Variants in RANBP10 observed in about 807,000 individuals in gnomAD.
RANBP10 encodes ran-binding protein 10.
RANBP10 carries 24 observed loss-of-function variants against 72.8 expected under a neutral mutation model. That is an observed-to-expected ratio of 0.33 (90% CI 0.24 to 0.46). The LOEUF (loss-of-function observed/expected upper bound fraction) is 0.46. Ranked by LOEUF, RANBP10 falls within the 20% of genes least tolerant of loss-of-function variation. The pLI, the probability that RANBP10 is intolerant of heterozygous loss-of-function variation, is 1.00. For synonymous variants in RANBP10, 310 were observed against 322.3 expected (o/e 0.96, Z 0.41); for missense variants, 679 against 817.5 (o/e 0.83, Z 2.07).
chr16:67,769,462 A>AAAAAAAAAAAAAAAAC (rs1567699175), intron 3 of RANBP10, among the ~76,000 whole-genome samples: 1 of 136,798 alleles, frequency 7.3e-6, no homozygotes, highest in African/African-American at 2.7e-5. Context: ...AAAAAAAAAA[A>AAAAAAAAAAAAAAAAC]GTGCTGGGCG....
intron 3 of RANBP10, among the ~76,000 whole-genome samples, chr16:67,767,253 G>A (rs1229587488): frequency 1.3e-5 from 2 of 151,832 alleles, no homozygotes; most frequent in Non-Finnish European, 2.9e-5. Flanking sequence ...CTCTCACCTC[G>A]TCTACTCCAC....
chr16:67,785,204 T>C (rs1042049638), intron 2 of RANBP10, among the ~76,000 whole-genome samples: 1 of 148,102 alleles, frequency 6.8e-6, no homozygotes, highest in Non-Finnish European at 1.5e-5. Flanking sequence ...AGATCGAGAG[T>C]CGGTCTCAAA....
rs1363269042 is a variant in RANBP10 at position 67,743,098 on chromosome 16, C to A, written c.568+1190G>T. ...GGAATGCTGGCTCCTAGGCATGCAG[C>A]CCCAGCCATCAGCACTCCAATTCCC... is the stretch of plus-strand genomic sequence containing the variant. On this transcript the variant is annotated intron_variant, in intron 4 of 13. Coordinates refer to ENST00000317506, the MANE Select transcript of RANBP10 (RefSeq NM_020850.3). Among the ~76,000 whole-genome samples the A allele has an allele frequency of 7.0e-4, 106 of 152,340 alleles. 1 individual carries two copies. The highest frequency in any genetic ancestry group is 1.0e-4 in the Non-Finnish European group (7 of 68,030).
chr16:67,738,117 G>A, intron 4 of RANBP10, 82 bp from the exon 5 acceptor site: 1 of 1,413,848 alleles, frequency 7.1e-7, no homozygotes, highest in Non-Finnish European at 9.4e-7. Flanking sequence ...CCAGTGCTAG[G>A]GCCGGGTAGT....
At chr16:67,744,950 A>C (rs1011581690) in intron 3 of RANBP10, among the ~76,000 whole-genome samples, 1 of 151,698 alleles carries the variant, frequency 6.6e-6, no homozygotes, top group Non-Finnish European at 1.5e-5. Flanking sequence ...CAGCCTCCAG[A>C]GTAGCTGGGA....
chr16:67,745,344 A>ATT (rs374864095), intron 3 of RANBP10, among the ~76,000 whole-genome samples: 3 of 149,590 alleles, frequency 2.0e-5, no homozygotes, highest in Admixed American at 6.7e-5. Context: ...TTATTTATCT[A>ATT]TTTTTTTTGA....
chr16:67,766,350 T>C (rs181912994), intron 3 of RANBP10, among the ~76,000 whole-genome samples: 14 of 152,318 alleles, frequency 9.2e-5, no homozygotes, highest in Admixed American at 7.8e-4. Flanking sequence ...AGTACTGCAA[T>C]GAATAACGGC....
intron 3 of RANBP10, among the ~76,000 whole-genome samples, chr16:67,760,332 C>A (rs1270535163): frequency 6.6e-6 from 1 of 152,160 alleles, no homozygotes; most frequent in Non-Finnish European, 1.5e-5. Flanking sequence ...TGGCACAGAC[C>A]CCTGGTGTTC....
chr16:67,750,816 G>A (rs1224266532), intron 3 of RANBP10, among the ~76,000 whole-genome samples: 1 of 147,506 alleles, frequency 6.8e-6, no homozygotes, highest in Non-Finnish European at 1.5e-5. Context: ...GCCCAGGCTG[G>A]AGTGCAGCGG....
Position 67,731,537 on chromosome 16 carries a change from G to A in RANBP10, c.824C>T (p.Thr275Met), listed in dbSNP as rs200486625. Residue 275 changes from threonine to methionine, a missense_variant, in exon 7 of 14, where the codon ACG (threonine) becomes ATG (methionine). Thr to Met is a moderately conservative substitution (Grantham distance 81, BLOSUM62 -1). Transcript: ENST00000317506. ...GGTTTCAGTCATTCGAGCAAAAGCC[G>A]TGGCTGTGGCACAATACCCATGATG... Reference protein sequence around the residue: ...LVHHGYCATATAFARMTETPI... With the variant: ...LVHHGYCATAMAFARMTETPI... The A allele has an allele frequency of 2.7e-5, 43 of 1,614,080 alleles. No homozygotes were observed. Among genetic ancestry groups the A allele is most frequent in the South Asian group, 2.6e-4 (24 of 91,086 alleles).
chr16:67,784,516 C>T (rs1422587414), intron 2 of RANBP10, among the ~76,000 whole-genome samples: 7 of 152,072 alleles, frequency 4.6e-5, no homozygotes, highest in Non-Finnish European at 7.4e-5. Context: ...ATTAGCCGGG[C>T]GTGGTGGCCC....
intron 2 of RANBP10, among the ~76,000 whole-genome samples, chr16:67,804,456 C>T (rs1435195655): frequency 2.0e-5 from 3 of 151,774 alleles, no homozygotes; most frequent in African/African-American, 7.3e-5. Context: ...GGCTAGAGTG[C>T]AGTGGTGCAA....
At chr16:67,774,141 C>G (rs2054654757) in intron 2 of RANBP10, among the ~76,000 whole-genome samples, 2 of 152,346 alleles carry the variant, frequency 1.3e-5, no homozygotes, top group South Asian at 4.1e-4. Context: ...AGCAGTCCAA[C>G]AGGCACAAGT....
chr16:67,760,214 G>A (rs898049466), intron 3 of RANBP10, among the ~76,000 whole-genome samples: 11 of 152,182 alleles, frequency 7.2e-5, no homozygotes, highest in African/African-American at 2.7e-4. Flanking sequence ...ATCTTTCACT[G>A]GATGTGCTGT....
At position 67,739,293 on chromosome 16, in the gene RANBP10, C is replaced by A. The variant is rs935836428; in HGVS notation, c.569-1258G>T. Among the ~76,000 whole-genome samples the A allele has an allele frequency of 2.6e-5, 4 of 152,280 alleles. No homozygotes were observed. The East Asian group carries it at 7.7e-4, about 29-fold the overall frequency. On this transcript the variant is annotated intron_variant, in intron 4 of 13. Transcript: ENST00000317506. ...TTTTCCATCCATTACTTCATCTGAT[C>A]CTCACACCAACTCTGGGAAGCAGGC...
intron 3 of RANBP10, among the ~76,000 whole-genome samples, chr16:67,771,692 A>G (rs1323210900): frequency 6.6e-6 from 1 of 152,206 alleles, no homozygotes; most frequent in African/African-American, 2.4e-5. Flanking sequence ...CAAGGTTGGC[A>G]GCAGTCTTCC....
chr16:67,779,617 G>A (rs2054774769), intron 2 of RANBP10, among the ~76,000 whole-genome samples: 2 of 151,916 alleles, frequency 1.3e-5, no homozygotes, highest in Non-Finnish European at 2.9e-5. Context: ...CCTGAATATG[G>A]CTGAGTTATT....
chr16:67,723,647 A>C lies in RANBP10; in HGVS notation c.*2781T>G, dbSNP rs1262987802. ...AGTTTTTGCTCTGGAAGGAGTGACC[A>C]TTTGGTGCCGCAAGGGGAAAGTGAG... On this transcript the variant is annotated 3_prime_UTR_variant, in exon 14 of 14. Transcript: ENST00000317506. 2 of 152,556 alleles carry C rather than the reference A, an allele frequency of 1.3e-5. No individual in the cohort carries two copies. Among genetic ancestry groups the C allele is most frequent in the Admixed American group, 6.5e-5 (1 of 15,284 alleles). 9.5% of individuals were successfully genotyped at this position (152,556 alleles called of 1,614,324 possible). A position where few individuals can be genotyped will look rare whatever the true frequency, so the allele number is the denominator to read the frequency against.
At chr16:67,753,560 G>C (rs2054234934) in intron 3 of RANBP10, among the ~76,000 whole-genome samples, 1 of 152,214 alleles carries the variant, frequency 6.6e-6, no homozygotes, top group Admixed American at 6.5e-5. Context: ...TGACTGGAAT[G>C]GGGTAGTCAA....
Sources: allele counts gnomAD v4.1 joint callset (sites outside exome capture counted in the v4.1 genomes callset), GRCh38; gene constraint gnomAD v4.1.1; transcripts MANE v1.5; gene names NCBI Gene and HGNC (gene_info 2026-07-23, HGNC 2026-07-21).